CDH12: variants seen among roughly 807,000 people sequenced by gnomAD.
The protein encoded by CDH12 is cadherin 12, also known as cadherin-12.
CDH12 carries 41 observed loss-of-function variants against 74.1 expected under a neutral mutation model. That is an observed-to-expected ratio of 0.55 (90% CI 0.43 to 0.72). The LOEUF (loss-of-function observed/expected upper bound fraction) is 0.72. Among genes scored for constraint, CDH12 ranks in the 30% least tolerant of loss-of-function variants. The pLI is 0.00. For missense variants in CDH12, 945 were observed against 977.2 expected (o/e 0.97, Z 0.44); for synonymous variants, 399 against 355.0 (o/e 1.12, Z -1.39).
chr5:22,383,654 C>A (rs1004489949), intron 3 of CDH12, among the ~76,000 whole-genome samples: 5 of 152,144 alleles, frequency 3.3e-5, no homozygotes, highest in East Asian at 1.9e-4. Flanking sequence ...GACAATTAAA[C>A]CTTCTAGGCC....
In CDH12 at chr5:21,899,472, A is replaced by C. The variant is rs148433079; in HGVS notation, c.527-44682T>G. Among the ~76,000 whole-genome samples the C allele has an allele frequency of 4.1e-3, 620 of 152,320 alleles. 8 individuals carry two copies. The South Asian group carries it at 0.05, about 12-fold the overall frequency. The stretch of plus-strand genomic sequence containing the variant: ...TGCTAGGAACGAGGCTAAAGCTACA[A>C]ACTTTCAAGTATATTTGTGCTTGGG... On this transcript the variant is annotated intron_variant, in intron 6 of 14. Transcript: ENST00000382254.
At chr5:21,833,194 TAA>T (rs1491256620) in intron 8 of CDH12, among the ~76,000 whole-genome samples, 2 of 44,478 alleles carry the variant, frequency 4.5e-5, no homozygotes, top group Non-Finnish European at 6.3e-5. Context: ...ATATAACATA[TAA>T]TATATATATT....
chr5:22,457,177 C>G (rs926836230), intron 2 of CDH12, among the ~76,000 whole-genome samples: 1 of 151,970 alleles, frequency 6.6e-6, no homozygotes, highest in African/African-American at 2.4e-5. Context: ...GGGAAACATT[C>G]CAAAGGTTTC....
chr5:22,759,581 C>T (rs1180849108), intron 1 of CDH12, among the ~76,000 whole-genome samples: 5 of 152,156 alleles, frequency 3.3e-5, no homozygotes, highest in African/African-American at 1.2e-4. Context: ...ACTACCTAAT[C>T]TGAACTGGCT....
At chr5:22,589,186 T>G (rs923885585) in intron 1 of CDH12, among the ~76,000 whole-genome samples, 1 of 152,150 alleles carries the variant, frequency 6.6e-6, no homozygotes, top group Admixed American at 6.5e-5. Flanking sequence ...TTATTTTTTC[T>G]GCTCTCTTGA....
chr5:22,318,963 G>C (rs1348750134), intron 3 of CDH12, among the ~76,000 whole-genome samples: 1 of 152,044 alleles, frequency 6.6e-6, no homozygotes, highest in Non-Finnish European at 1.5e-5. Context: ...GATTTAAAAT[G>C]TTAAAGGGCC....
At chr5:22,555,112 G>A (rs1205159825) in intron 1 of CDH12, among the ~76,000 whole-genome samples, 1 of 151,974 alleles carries the variant, frequency 6.6e-6, no homozygotes, top group Non-Finnish European at 1.5e-5. Context: ...TCTTCTGAAC[G>A]CATAATATCA....
intron 6 of CDH12, among the ~76,000 whole-genome samples, chr5:21,927,849 C>G (rs528852507): frequency 6.6e-6 from 1 of 151,872 alleles, no homozygotes; most frequent in South Asian, 2.1e-4. Flanking sequence ...GCAAGCGGAT[C>G]GTGAGGTCAG....
chr5:22,612,644 T>A (rs1192405523), intron 1 of CDH12, among the ~76,000 whole-genome samples: 2 of 152,136 alleles, frequency 1.3e-5, no homozygotes, highest in Admixed American at 1.3e-4. Flanking sequence ...AATGTCAATG[T>A]GATGCATCAT....
intron 5 of CDH12, among the ~76,000 whole-genome samples, chr5:22,014,517 A>G (rs2963570): frequency 2.0e-5 from 3 of 152,250 alleles, no homozygotes; most frequent in African/African-American, 7.2e-5. Context: ...ATATGTAATG[A>G]AGGTTGATAG....
At chr5:22,250,902 G>T (rs1184829393) in intron 3 of CDH12, among the ~76,000 whole-genome samples, 1 of 152,166 alleles carries the variant, frequency 6.6e-6, no homozygotes, top group African/African-American at 2.4e-5. Flanking sequence ...CAGTAGAAAT[G>T]TATTTTCAGC....
intron 4 of CDH12, among the ~76,000 whole-genome samples, chr5:22,161,731 G>A (rs1373620225): frequency 8.2e-6 from 1 of 121,834 alleles, no homozygotes. Flanking sequence ...GGGGAAGGAA[G>A]AAGAGAGAGA....
rs189767600 is a variant in CDH12, at chr5:22,677,641, A to G, written c.-522-172277T>C. 1.8e-3 allele frequency among the ~76,000 whole-genome samples: 277 copies of G among 152,250 alleles called. 1 individual carries two copies. The highest frequency in any genetic ancestry group is 6.2e-3 in the African/African-American group (256 of 41,566). On this transcript the variant is annotated intron_variant, in intron 1 of 14. Transcript: ENST00000382254. Reference sequence around the variant, plus strand: ...ATGGCACTAGGATAGAGACTGGAAAAACTTTAATGGAGGCACACAGATAAT... The same window carrying G: ...ATGGCACTAGGATAGAGACTGGAAAGACTTTAATGGAGGCACACAGATAAT...
chr5:21,940,226 CA>C (rs919134504), intron 6 of CDH12, among the ~76,000 whole-genome samples: 1 of 148,346 alleles, frequency 6.7e-6, no homozygotes, highest in Non-Finnish European at 1.5e-5. Flanking sequence ...GACTCCATCT[CA>C]AAAAAAAAGA....
At chr5:21,863,965 A>G (rs1322153640) in intron 6 of CDH12, among the ~76,000 whole-genome samples, 2 of 152,210 alleles carry the variant, frequency 1.3e-5, no homozygotes, top group Non-Finnish European at 2.9e-5. Context: ...TAGGAAAATT[A>G]TATTTTCTAA....
intron 5 of CDH12, among the ~76,000 whole-genome samples, chr5:22,013,777 G>T (rs973779745): frequency 3.9e-4 from 59 of 152,066 alleles, no homozygotes; most frequent in Admixed American, 6.5e-4. Context: ...TGACATATGG[G>T]TTTTTTTCTT....
chr5:22,850,260 C>T (rs1004928807), intron 1 of CDH12, among the ~76,000 whole-genome samples: 5 of 151,846 alleles, frequency 3.3e-5, no homozygotes, highest in African/African-American at 1.2e-4. Flanking sequence ...AGTACACATT[C>T]ACACACACAC....
chr5:22,280,074 T>A (rs1354619405), intron 3 of CDH12, among the ~76,000 whole-genome samples: 1 of 152,228 alleles, frequency 6.6e-6, no homozygotes, highest in Non-Finnish European at 1.5e-5. Flanking sequence ...CCATTCTAAC[T>A]GGTGTGAGAT....
intron 1 of CDH12, among the ~76,000 whole-genome samples, chr5:22,601,430 G>T (rs1736850098): frequency 6.6e-6 from 1 of 152,024 alleles, no homozygotes; most frequent in African/African-American, 2.4e-5. Flanking sequence ...TAGTCTAAAT[G>T]AGTGTGCAGA....
Sources: allele counts gnomAD v4.1 joint callset (sites outside exome capture counted in the v4.1 genomes callset), GRCh38; gene constraint gnomAD v4.1.1; transcripts MANE v1.5; gene names NCBI Gene and HGNC (gene_info 2026-07-23, HGNC 2026-07-21).